The following COX7B2 variants were observed in gnomAD, a reference collection of about 807,000 sequenced individuals.
COX7B2 encodes the protein cytochrome c oxidase subunit 7B2.
For missense variants in COX7B2, 109 were observed against 95.9 expected, an observed-to-expected ratio of 1.14 and a Z score of -0.57; for synonymous variants, 37 against 32.1, an observed-to-expected ratio of 1.15 and a Z score of -0.51.
intron 1 of COX7B2, among the ~76,000 whole-genome samples, chr4:46,897,367 AC>A (rs146029757): frequency 0.011 from 1,699 of 152,220 alleles, 31 homozygotes; most frequent in African/African-American, 0.039. Flanking sequence ...TCAATCCAAC[AC>A]CAGCTCAGCT....
intron 1 of COX7B2, among the ~76,000 whole-genome samples, chr4:46,845,482 C>A (rs1351967352): frequency 1.3e-5 from 2 of 151,860 alleles, no homozygotes; most frequent in Non-Finnish European, 2.9e-5. Flanking sequence ...CAGACTAATG[C>A]CTCAAATGTG....
intron 1 of COX7B2, among the ~76,000 whole-genome samples, chr4:46,870,008 G>A (rs1392884819): frequency 2.6e-5 from 4 of 152,070 alleles, no homozygotes; most frequent in East Asian, 1.9e-4. Flanking sequence ...TTTCAGAGAT[G>A]CCAGTGATTT....
intron 2 of COX7B2, among the ~76,000 whole-genome samples, chr4:46,755,936 G>A (rs1467937894): frequency 2.0e-5 from 3 of 151,772 alleles, no homozygotes; most frequent in Non-Finnish European, 4.4e-5. Context: ...ACCAGTATCA[G>A]TTTTCACAAA....
chr4:46,779,575 T>C (rs1717331200), intron 2 of COX7B2, among the ~76,000 whole-genome samples: 2 of 152,172 alleles, frequency 1.3e-5, no homozygotes, highest in Non-Finnish European at 2.9e-5. Context: ...ATGGTAGTTC[T>C]ATTTTTGAAT....
chr4:46,864,042 G>A (rs527752162), intron 1 of COX7B2, among the ~76,000 whole-genome samples: 4 of 152,074 alleles, frequency 2.6e-5, no homozygotes, highest in African/African-American at 9.7e-5. Flanking sequence ...ACGTTCAAAA[G>A]GCCCTTCAAG....
chr4:46,817,718 C>T (rs1164417268), intron 2 of COX7B2, among the ~76,000 whole-genome samples: 1 of 152,112 alleles, frequency 6.6e-6, no homozygotes, highest in African/African-American at 2.4e-5. Context: ...CAGAGTCAGA[C>T]TCAATGAAAT....
At chr4:46,777,659 C>T (rs1481592957) in intron 2 of COX7B2, among the ~76,000 whole-genome samples, 2 of 152,076 alleles carry the variant, frequency 1.3e-5, no homozygotes, top group African/African-American at 4.8e-5. Flanking sequence ...GTTATGAAGG[C>T]TGGCAGCAAG....
intron 2 of COX7B2, among the ~76,000 whole-genome samples, chr4:46,757,176 G>A (rs979170505): frequency 6.6e-6 from 1 of 151,990 alleles, no homozygotes; most frequent in African/African-American, 2.4e-5. Flanking sequence ...GATGGAACTG[G>A]AGACCATTAT....
chr4:46,819,177 C>T (rs951992661), intron 2 of COX7B2, among the ~76,000 whole-genome samples: 6 of 152,088 alleles, frequency 3.9e-5, no homozygotes, highest in African/African-American at 1.4e-4. Context: ...GACCACTTCT[C>T]ATGCAAAAAA....
At chr4:46,888,260 C>A (rs968515791) in intron 1 of COX7B2, among the ~76,000 whole-genome samples, 2 of 152,086 alleles carry the variant, frequency 1.3e-5, no homozygotes, top group Admixed American at 6.5e-5. Context: ...AGACTTCAGT[C>A]CTTTACGATT....
At chr4:46,848,800 T>C (rs1197046564) in intron 1 of COX7B2, among the ~76,000 whole-genome samples, 2 of 152,076 alleles carry the variant, frequency 1.3e-5, no homozygotes, top group African/African-American at 4.8e-5. Context: ...TATATTTATA[T>C]ATGCTCAATC....
intron 2 of COX7B2, among the ~76,000 whole-genome samples, chr4:46,839,382 C>T (rs1468860503): frequency 6.6e-6 from 1 of 151,990 alleles, no homozygotes; most frequent in East Asian, 1.9e-4. Context: ...CCTGTGTCAT[C>T]CCCAGCCCCT....
chr4:46,887,471 G>A (rs1003008382), intron 1 of COX7B2, among the ~76,000 whole-genome samples: 23 of 152,146 alleles, frequency 1.5e-4, no homozygotes, highest in African/African-American at 5.1e-4. Flanking sequence ...CAGCACTTTG[G>A]GAGGCCAAGG....
intron 1 of COX7B2, among the ~76,000 whole-genome samples, chr4:46,870,800 CAAT>C (rs1717943977): frequency 6.6e-6 from 1 of 152,002 alleles, no homozygotes; most frequent in Non-Finnish European, 1.5e-5. Flanking sequence ...AAGATCTCTA[CAAT>C]GAGAATTCCA....
At chr4:46,785,620 G>T (rs1439130251) in intron 2 of COX7B2, among the ~76,000 whole-genome samples, 1 of 152,182 alleles carries the variant, frequency 6.6e-6, no homozygotes, top group East Asian at 1.9e-4. Context: ...TCATTCATAC[G>T]TGTAAAGCCT....
intron 1 of COX7B2, among the ~76,000 whole-genome samples, chr4:46,874,138 A>T (rs1394427832): frequency 2.6e-5 from 4 of 152,082 alleles, no homozygotes; most frequent in Admixed American, 6.6e-5. Context: ...TCTTTTTTTT[A>T]AAAAAAGAAA....
intron 1 of COX7B2, among the ~76,000 whole-genome samples, chr4:46,901,265 A>C (rs1720054461): frequency 6.6e-6 from 1 of 152,202 alleles, no homozygotes; most frequent in South Asian, 2.1e-4. Flanking sequence ...AGGTATTGAA[A>C]GTTATGGTCT....
At chr4:46,899,172 G>T (rs930310787) in intron 1 of COX7B2, among the ~76,000 whole-genome samples, 5 of 151,938 alleles carry the variant, frequency 3.3e-5, no homozygotes, top group Admixed American at 1.3e-4. Flanking sequence ...TACCTGTATT[G>T]ATCCCTCTCC....
intron 2 of COX7B2, among the ~76,000 whole-genome samples, chr4:46,791,288 C>G (rs1718033753): frequency 6.6e-6 from 1 of 151,946 alleles, no homozygotes; most frequent in African/African-American, 2.4e-5. Flanking sequence ...GGATTACAGG[C>G]GTGAGCCACC....
Sources: gnomAD v4.1 joint callset for allele counts (sites outside exome capture counted in the v4.1 genomes callset) on GRCh38, gnomAD v4.1.1 for gene constraint, MANE v1.5 for transcripts, NCBI Gene and HGNC (gene_info 2026-07-23, HGNC 2026-07-21) for gene names.